LYPD6B: variants seen among roughly 807,000 people sequenced by gnomAD.
The protein encoded by LYPD6B is ly6/PLAUR domain-containing protein 6B.
LYPD6B carries 17 observed loss-of-function variants against 22.8 expected under a neutral mutation model. The observed-to-expected ratio is 0.75, with a 90% CI of 0.51 to 1.12. The LOEUF (loss-of-function observed/expected upper bound fraction) is 1.12, where lower values mean the gene tolerates loss of function less well. LYPD6B is among the 50% of genes most tolerant of loss of function. The pLI is 0.00. For synonymous variants in LYPD6B, 106 were observed against 91.6 expected, an observed-to-expected ratio of 1.16 and a Z score of -0.90; for missense variants, 221 against 258.3, an observed-to-expected ratio of 0.86 and a Z score of 0.99.
chr2:149,102,329 C>T (rs948027731), intron 1 of LYPD6B, among the ~76,000 whole-genome samples: 7 of 152,106 alleles, frequency 4.6e-5, no homozygotes, highest in African/African-American at 1.4e-4. Flanking sequence ...CACAGTGAGA[C>T]GGAACTATTG....
chr2:149,087,095 G>T (rs1264623258), intron 1 of LYPD6B, among the ~76,000 whole-genome samples: 2 of 151,920 alleles, frequency 1.3e-5, no homozygotes, highest in Non-Finnish European at 2.9e-5. Context: ...AATTTTGGGG[G>T]CATACAATCA....
chr2:149,073,823 T>A (rs1401209742), intron 1 of LYPD6B, among the ~76,000 whole-genome samples: 2 of 151,872 alleles, frequency 1.3e-5, no homozygotes. Context: ...CCCATGTTGC[T>A]GATCCTCTGA....
chr2:149,198,909 A>G (rs1477622948), intron 3 of LYPD6B, among the ~76,000 whole-genome samples: 1 of 152,230 alleles, frequency 6.6e-6, no homozygotes, highest in African/African-American at 2.4e-5. Flanking sequence ...GAATATTAGA[A>G]GTGGAAGGGA....
Position 149,144,904 on chromosome 2 carries a change from C to T in LYPD6B, c.5+13951C>T, listed in dbSNP as rs576807345. The stretch of plus-strand genomic sequence containing the variant: ...TATTGAATTTGTTCTTTCCACTGTT[C>T]CCTATGAAACGTGGTGTCAACTGCT... On this transcript the variant is annotated intron_variant, in intron 2 of 6. Coordinates refer to ENST00000409642, the MANE Select transcript of LYPD6B (RefSeq NM_177964.5). Among the ~76,000 whole-genome samples the T allele has an allele frequency of 3.9e-5, 6 of 152,226 alleles. No individual in the cohort carries two copies. In the South Asian group the frequency reaches 1.2e-3, roughly 32 times the overall value.
chr2:149,086,368 T>G (rs936024099), intron 1 of LYPD6B, among the ~76,000 whole-genome samples: 49 of 152,158 alleles, frequency 3.2e-4, no homozygotes, highest in African/African-American at 1.1e-3. Flanking sequence ...CATAGCAGCC[T>G]TCACCTCCCC....
At chr2:149,120,295 A>ACG (rs1195495141) in intron 1 of LYPD6B, among the ~76,000 whole-genome samples, 2 of 118,590 alleles carry the variant, frequency 1.7e-5, no homozygotes, top group African/African-American at 7.1e-5. Context: ...GCATGTATAT[A>ACG]CACATATATA....
Position 149,096,074 on chromosome 2 carries a change from G to A in LYPD6B, c.-66-34809G>A, listed in dbSNP as rs369117690. On this transcript the variant is annotated intron_variant, in intron 1 of 6. Coordinates refer to ENST00000409642, the MANE Select transcript of LYPD6B (RefSeq NM_177964.5). ...ACAGAGACACACACAGAGATACACAGAAAGAGACAGTGATGAGAGAGACAC... is the reference window on the plus strand; with the variant it reads ...ACAGAGACACACACAGAGATACACAAAAAGAGACAGTGATGAGAGAGACAC... Among the ~76,000 whole-genome samples the A allele has an allele frequency of 2.0e-4, 31 of 152,146 alleles. 1 individual carries two copies. The highest frequency in any genetic ancestry group is 7.2e-4 in the African/African-American group (30 of 41,496).
intron 1 of LYPD6B, among the ~76,000 whole-genome samples, chr2:149,095,547 C>G (rs766622992): frequency 9.9e-5 from 15 of 152,174 alleles, no homozygotes; most frequent in Non-Finnish European, 1.8e-4. Flanking sequence ...CTTAGCTAAT[C>G]TAGTTAATTA....
intron 1 of LYPD6B, among the ~76,000 whole-genome samples, chr2:149,091,624 CT>C (rs574256031): frequency 0.082 from 12,013 of 146,228 alleles, 1,263 homozygotes; most frequent in African/African-American, 0.25. Context: ...GATTGGCATT[CT>C]TTTTTTTTTT....
In LYPD6B at chr2:149,208,897, T is replaced by G. The variant is rs1409902428; in HGVS notation, c.328+485T>G. The stretch of plus-strand genomic sequence containing the variant: ...GAATGAATGGAAGCCTCTGATTAGA[T>G]AGTCAGGGAAATCTTCTCTGAGAAC... On this transcript the variant is annotated intron_variant, in intron 5 of 6. Coordinates refer to ENST00000409642, the MANE Select transcript of LYPD6B (RefSeq NM_177964.5). Among the ~76,000 whole-genome samples, 4 of 152,314 alleles carry G rather than the reference T, an allele frequency of 2.6e-5. No homozygotes were observed. The East Asian group carries it at 7.7e-4, about 29-fold the overall frequency.
intron 1 of LYPD6B, among the ~76,000 whole-genome samples, chr2:149,095,370 C>G (rs1351158026): frequency 6.6e-6 from 1 of 152,140 alleles, no homozygotes. Flanking sequence ...GCAGTCCATC[C>G]ATTGTGATAC....
intron 3 of LYPD6B, among the ~76,000 whole-genome samples, chr2:149,193,636 G>T (rs555951844): frequency 6.6e-6 from 1 of 152,108 alleles, no homozygotes; most frequent in Admixed American, 6.6e-5. Flanking sequence ...CAGTGAGAAG[G>T]TCTGGGACTG....
At chr2:149,048,194 A>G (rs1319267883) in intron 1 of LYPD6B, among the ~76,000 whole-genome samples, 2 of 151,894 alleles carry the variant, frequency 1.3e-5, no homozygotes, top group South Asian at 2.1e-4. Context: ...TTTTGTTGAT[A>G]ACTAGACATC....
chr2:149,123,433 A>C (rs903610743), intron 1 of LYPD6B, among the ~76,000 whole-genome samples: 1 of 152,162 alleles, frequency 6.6e-6, no homozygotes, highest in Non-Finnish European at 1.5e-5. Context: ...ATGGGAATTC[A>C]AGGGAAGATC....
intron 1 of LYPD6B, among the ~76,000 whole-genome samples, chr2:149,056,706 C>T (rs774753952): frequency 6.6e-6 from 1 of 152,126 alleles, no homozygotes; most frequent in Non-Finnish European, 1.5e-5. Flanking sequence ...AATCTGTGTA[C>T]AGCCCACTCT....
At chr2:149,186,584 C>T (rs1692121427) in intron 3 of LYPD6B, among the ~76,000 whole-genome samples, 1 of 152,162 alleles carries the variant, frequency 6.6e-6, no homozygotes, top group Non-Finnish European at 1.5e-5. Context: ...AAGGTAGTTA[C>T]ACTAAACAAC....
At chr2:149,171,190 C>T (rs1690792628) in intron 3 of LYPD6B, among the ~76,000 whole-genome samples, 1 of 151,938 alleles carries the variant, frequency 6.6e-6, no homozygotes, top group Non-Finnish European at 1.5e-5. Flanking sequence ...TTTACCATTG[C>T]CTGCGATTCC....
intron 1 of LYPD6B, among the ~76,000 whole-genome samples, chr2:149,106,497 G>A (rs1686478059): frequency 6.6e-6 from 1 of 152,080 alleles, no homozygotes; most frequent in African/African-American, 2.4e-5. Context: ...TCTTGAGTAA[G>A]CTTTGGTAGA....
intron 1 of LYPD6B, among the ~76,000 whole-genome samples, chr2:149,127,608 T>C (rs1269759620): frequency 6.6e-6 from 1 of 152,234 alleles, no homozygotes; most frequent in East Asian, 1.9e-4. Flanking sequence ...TGTATATATG[T>C]ATGCATGTGT....
Sources: gnomAD v4.1 joint callset for allele counts (sites outside exome capture counted in the v4.1 genomes callset) on GRCh38, gnomAD v4.1.1 for gene constraint, MANE v1.5 for transcripts, NCBI Gene and HGNC (gene_info 2026-07-23, HGNC 2026-07-21) for gene names.